ESR1: variants seen among roughly 807,000 people sequenced by gnomAD.
ESR1 encodes estrogen receptor 1.
In ESR1, 12 loss-of-function variants were observed where a neutral mutation model predicts 52.7. The ratio of observed to expected loss-of-function variants is 0.23; its 90% CI spans 0.15 to 0.37. The LOEUF (loss-of-function observed/expected upper bound fraction) is 0.37. Ranked by LOEUF, ESR1 falls within the 10% of genes least tolerant of loss-of-function variation. The pLI is 1.00. For missense variants in ESR1, 584 were observed against 779.7 expected, an observed-to-expected ratio of 0.75 and a Z score of 2.99; for synonymous variants, 305 against 316.8, an observed-to-expected ratio of 0.96 and a Z score of 0.39.
chr6:151,875,810 G>T (rs1791708608), intron 2 of ESR1, among the ~76,000 whole-genome samples: 1 of 152,160 alleles, frequency 6.6e-6, no homozygotes, highest in Non-Finnish European at 1.5e-5. Flanking sequence ...TTGGATGGGA[G>T]TTAGAGCGGG....
intron 6 of ESR1, chr6:152,122,821 C>A: frequency 8.5e-7 from 1 of 1,182,528 alleles, no homozygotes; most frequent in Non-Finnish European, 1.2e-6. Context: ...CCACAGTGTG[C>A]CCAGGTCACC....
rs933466709 is a variant in ESR1, at chr6:152,098,540, G to A, written c.1554-192G>A. 1.3e-5 allele frequency among the ~76,000 whole-genome samples: 2 copies of A among 152,094 alleles called. No individual in the cohort carries two copies. The highest frequency in any genetic ancestry group is 2.9e-5 in the Non-Finnish European group (2 of 68,002). ...TGGAAAATGAAAAACACACGGCCAT[G>A]AGTTCCAGATTAGGGCTTCTGAAAG... On this transcript the variant is annotated intron_variant, in intron 7 of 7. Transcript: ENST00000206249. This position sits in a 1 kb window ranked among gnomAD's most constrained non-coding sequence, Gnocchi z 5.1.
At chr6:151,690,414 T>C (rs1448012769), upstream of ESR1, 1 of 152,224 alleles carries the variant, frequency 6.6e-6, no homozygotes, top group Non-Finnish European at 1.5e-5. Flanking sequence ...CCCCCTCCTC[T>C]ATTTTTTCAA....
intron 3 of ESR1, among the ~76,000 whole-genome samples, chr6:151,927,180 A>T (rs2032885894): frequency 1.3e-5 from 2 of 152,190 alleles, no homozygotes; most frequent in Admixed American, 6.5e-5. Context: ...TTGCCATCAG[A>T]CATGGAATAA....
intron 2 of ESR1, among the ~76,000 whole-genome samples, chr6:151,784,282 A>G (rs1786813633): frequency 6.6e-6 from 1 of 152,078 alleles, no homozygotes; most frequent in Admixed American, 6.5e-5. Flanking sequence ...CTATTTATTT[A>G]TTTATTGAAT....
At chr6:151,941,516 G>A (rs1298710432) in intron 3 of ESR1, among the ~76,000 whole-genome samples, 1 of 151,484 alleles carries the variant, frequency 6.6e-6, no homozygotes, top group African/African-American at 2.4e-5. Context: ...TTTTTCTCTG[G>A]TGTCCACCGC....
At chr6:151,746,065 T>TTTG (rs1460686629) in intron 2 of ESR1, among the ~76,000 whole-genome samples, 2 of 152,220 alleles carry the variant, frequency 1.3e-5, no homozygotes, top group Non-Finnish European at 2.9e-5. Context: ...GGCTGAATAA[T>TTTG]ACTCCATTTT....
chr6:152,057,031 C>G (rs1029128484), intron 5 of ESR1, among the ~76,000 whole-genome samples: 2 of 152,256 alleles, frequency 1.3e-5, no homozygotes, highest in South Asian at 2.1e-4. Context: ...GCTAAATGCT[C>G]TAGTCTGATT....
intron 5 of ESR1, among the ~76,000 whole-genome samples, chr6:152,046,366 C>G (rs1207701017): frequency 6.6e-6 from 1 of 152,154 alleles, no homozygotes; most frequent in Non-Finnish European, 1.5e-5. Context: ...TGAATGCTAC[C>G]TATTGCTGCA....
intron 4 of ESR1, chr6:151,984,189 T>C (rs1346886295): frequency 1.3e-5 from 2 of 152,294 alleles, no homozygotes; most frequent in Admixed American, 1.3e-4. Context: ...TTTTAGTATC[T>C]CATCATCCTT....
chr6:151,948,858 G>A (rs557593087), intron 4 of ESR1, among the ~76,000 whole-genome samples: 29 of 152,152 alleles, frequency 1.9e-4, no homozygotes, highest in African/African-American at 7.0e-4. Context: ...GTATTCCCCA[G>A]GAATCCAGGA....
chr6:151,731,277 A>G (rs1782217330), intron 2 of ESR1, among the ~76,000 whole-genome samples: 1 of 150,200 alleles, frequency 6.7e-6, no homozygotes, highest in Admixed American at 6.7e-5. Flanking sequence ...AATCGCTTGA[A>G]CTCCGGAGGT....
exon 7 of ESR1, chr6:152,125,403 G>C: frequency 6.6e-7 from 1 of 1,514,734 alleles, no homozygotes; most frequent in East Asian, 2.5e-5. Flanking sequence ...TCCGTGTGTG[G>C]ACGTGGGGAC....
At chr6:151,871,614 A>G (rs1790984521) in intron 2 of ESR1, among the ~76,000 whole-genome samples, 1 of 152,132 alleles carries the variant, frequency 6.6e-6, no homozygotes. Flanking sequence ...TATGTTGGGC[A>G]GGCTGGTCTC....
intron 3 of ESR1, among the ~76,000 whole-genome samples, chr6:151,933,102 C>T (rs2033895444): frequency 1.3e-5 from 2 of 151,926 alleles, no homozygotes; most frequent in African/African-American, 4.8e-5. Flanking sequence ...AATGTTCTTC[C>T]GTTTGTTTGT....
At chr6:151,822,905 T>G (rs934126505) in intron 1 of ESR1, among the ~76,000 whole-genome samples, 1 of 152,198 alleles carries the variant, frequency 6.6e-6, no homozygotes. Context: ...TGTCTCTTGA[T>G]GAGAAAAGCA....
intron 1 of ESR1, chr6:151,809,378 T>C: frequency 3.6e-6 from 1 of 278,718 alleles, no homozygotes; most frequent in Non-Finnish European, 7.7e-6. Context: ...TTTTTGTTTT[T>C]TGTTTTCCTG....
At position 151,808,321 on chromosome 6, in the gene ESR1, A is replaced by C. The variant is rs185717042; in HGVS notation, c.409A>C (p.Ser137Arg). Residue 137 changes from serine to arginine, a missense_variant, in exon 1 of 8, where the codon AGC (serine) becomes CGC (arginine). Transcript: ENST00000206249. ...GCCCTACTACCTGGAGAACGAGCCC[A>C]GCGGCTACACGGTGCGCGAGGCCGG... Reference protein sequence around the residue: ...QVPYYLENEPSGYTVREAGPP... With the variant: ...QVPYYLENEPRGYTVREAGPP... The C allele has an allele frequency of 1.7e-4, 261 of 1,553,994 alleles. 1 individual carries two copies. Among genetic ancestry groups the C allele is most frequent in the Admixed American group, 2.0e-4 (11 of 53,970 alleles).
At chr6:151,665,206 C>G (rs1777777455) in intron 1 of ESR1, among the ~76,000 whole-genome samples, 1 of 152,110 alleles carries the variant, frequency 6.6e-6, no homozygotes, top group African/African-American at 2.4e-5. Context: ...CCTGGGAGTT[C>G]TCTAATTTTC....
Sources: allele counts gnomAD v4.1 joint callset (sites outside exome capture counted in the v4.1 genomes callset), GRCh38; gene constraint gnomAD v4.1.1; non-coding constraint Gnocchi (gnomAD v3.1); transcripts MANE v1.5; gene names NCBI Gene and HGNC (gene_info 2026-07-23, HGNC 2026-07-21).